The following SLC7A6 variants were observed in gnomAD, a reference collection of about 807,000 sequenced individuals.
The protein encoded by SLC7A6 is Y+L amino acid transporter 2.
Under a neutral mutation model 46.6 loss-of-function variants are expected in SLC7A6, and 29 were observed. That is an observed-to-expected ratio of 0.62 (90% CI 0.46 to 0.85). SLC7A6 has a LOEUF of 0.85. SLC7A6 is among the 40% of genes least tolerant of loss of function. SLC7A6 has a pLI of 0.00. For missense variants in SLC7A6, 527 were observed against 647.6 expected (o/e 0.81, Z 2.02); for synonymous variants, 276 against 257.3 (o/e 1.07, Z -0.70).
rs111282396 is a variant in SLC7A6 at position 68,275,281 on chromosome 16, G to C, written c.523+32G>C. ...GGGGGCTGAGATTGGGAGGATGTTG[G>C]GGGGTGGGGGGTACTATAATAACGG... On this transcript the variant is annotated intron_variant, in intron 3 of 10. Coordinates refer to ENST00000219343, the MANE Select transcript of SLC7A6 (RefSeq NM_003983.6). The C allele has an allele frequency of 3.0e-3, 4,670 of 1,577,044 alleles. 15 individuals carry two copies. Among genetic ancestry groups the C allele is most frequent in the Non-Finnish European group, 3.5e-3 (4,005 of 1,153,166 alleles).
chr16:68,277,554 G>A (rs542007829), intron 3 of SLC7A6, among the ~76,000 whole-genome samples: 68 of 151,878 alleles, frequency 4.5e-4, no homozygotes, highest in East Asian at 4.5e-3. Context: ...CTCGTGATCC[G>A]CCCGCCTCGG....
Position 68,266,705 on chromosome 16 carries a change from C to G in SLC7A6, c.-53C>G, listed in dbSNP as rs1261667042. The G allele has an allele frequency of 6.6e-6, 1 of 151,904 alleles. No homozygotes were observed. The highest frequency in any genetic ancestry group is 2.4e-5 in the African/African-American group (1 of 41,346). The allele number at this position is 151,904 out of a possible 1,614,324, so 9.4% of individuals were successfully genotyped here. A position where few individuals can be genotyped will look rare whatever the true frequency, so the allele number is the denominator to read the frequency against. On this transcript the variant is annotated 5_prime_UTR_variant, in exon 2 of 11. Transcript: ENST00000219343. ...AGGTGGCTTATGAAAGTGTGATGTT[C>G]GCGTATTTCTTGACAGGTGAATATT...
Position 68,300,127 on chromosome 16 carries a change from G to A in SLC7A6, c.*2799G>A, listed in dbSNP as rs930249689. On this transcript the variant is annotated 3_prime_UTR_variant, in exon 11 of 11. Transcript: ENST00000219343. The stretch of plus-strand genomic sequence containing the variant: ...TCTGTGTTGTTTCCTTAGACCTGTG[G>A]TGTCCGCTGCAACAGCTACTAGCCA... The A allele has an allele frequency of 1.3e-5, 2 of 152,190 alleles. No homozygotes were observed. The highest frequency in any genetic ancestry group is 4.8e-5 in the African/African-American group (2 of 41,436). 9.4% of individuals were successfully genotyped at this position (152,190 alleles called of 1,614,324 possible). A position where few individuals can be genotyped will look rare whatever the true frequency, so the allele number is the denominator to read the frequency against.
chr16:68,301,581 T>G lies in SLC7A6; in HGVS notation c.*4253T>G, dbSNP rs571102274. On this transcript the variant is annotated 3_prime_UTR_variant, in exon 11 of 11. Transcript: ENST00000219343. ...TTTTAAAGAAGGAATCACTTTCCTA[T>G]CATCTAAACCAAGTTCCTTCACACT... 2.0e-6 allele frequency: 1 copy of G among 507,914 alleles called. No homozygotes were observed. Among genetic ancestry groups the G allele is most frequent in the Admixed American group, 3.8e-5 (1 of 26,556 alleles). 31.5% of individuals were successfully genotyped at this position (507,914 alleles called of 1,614,324 possible).
intron 5 of SLC7A6, 87 bp from the exon 6 acceptor site, chr16:68,291,122 G>A (rs138763580): frequency 6.4e-7 from 1 of 1,567,976 alleles, no homozygotes; most frequent in African/African-American, 1.4e-5. Context: ...ACTGTTAAAT[G>A]TTAGGAAAAT....
chr16:68,276,161 T>C (rs904861072), intron 3 of SLC7A6, among the ~76,000 whole-genome samples: 6 of 152,200 alleles, frequency 3.9e-5, no homozygotes, highest in African/African-American at 1.4e-4. Flanking sequence ...CAGACTTCTT[T>C]ACACTGACTT....
chr16:68,279,170 T>TAAAA (rs66832488), intron 3 of SLC7A6, among the ~76,000 whole-genome samples: 1 of 144,956 alleles, frequency 6.9e-6, no homozygotes, highest in Non-Finnish European at 1.5e-5. Context: ...ACCCCACCTC[T>TAAAA]AAAAAAAAAA....
chr16:68,270,789 G>A (rs1002007831), intron 2 of SLC7A6, among the ~76,000 whole-genome samples: 1 of 151,696 alleles, frequency 6.6e-6, no homozygotes, highest in Non-Finnish European at 1.5e-5. Context: ...ATTGTTGTTT[G>A]TCACTGGAGT....
Position 68,274,939 on chromosome 16 carries a change from G to C in SLC7A6, c.213G>C (p.Leu71=), listed in dbSNP as rs373056756. ...TCTTTGTCTCACCCAAGGGTGTGCTGGTACACACTGCCTCCTATGGGATGT... is the reference window on the plus strand; with the variant it reads ...TCTTTGTCTCACCCAAGGGTGTGCTCGTACACACTGCCTCCTATGGGATGT... The part of the protein sequence containing the change: ...SGIFVSPKGV[L]VHTASYGMSL... The change falls in exon 3 of 11, where the codon CTG becomes CTC. Residue 71 remains leucine (L), a synonymous_variant. Coordinates refer to ENST00000219343, the MANE Select transcript of SLC7A6 (RefSeq NM_003983.6). 1.1e-5 allele frequency: 18 copies of C among 1,614,082 alleles called. No individual in the cohort carries two copies. The highest frequency in any genetic ancestry group is 4.0e-5 in the African/African-American group (3 of 74,926).
intron 8 of SLC7A6, 97 bp from the exon 9 acceptor site, chr16:68,296,267 A>G: frequency 1.5e-6 from 2 of 1,340,506 alleles, no homozygotes; most frequent in South Asian, 2.5e-5. Context: ...AATCTGGTGA[A>G]GTGGCATCAG....
intron 7 of SLC7A6, among the ~76,000 whole-genome samples, chr16:68,293,267 A>G (rs765815756): frequency 9.9e-5 from 15 of 152,130 alleles, no homozygotes; most frequent in Non-Finnish European, 4.4e-5. Flanking sequence ...AATACAAAAA[A>G]AGAAAAATTA....
chr16:68,269,304 CTTTT>C (rs893606684), intron 2 of SLC7A6, among the ~76,000 whole-genome samples: 1 of 152,180 alleles, frequency 6.6e-6, no homozygotes, highest in East Asian at 1.9e-4. Flanking sequence ...GTTTTTCTTG[CTTTT>C]TTTATGTTGC....
intron 2 of SLC7A6, among the ~76,000 whole-genome samples, chr16:68,268,944 T>G (rs976950454): frequency 1.3e-5 from 2 of 151,976 alleles, no homozygotes; most frequent in Non-Finnish European, 2.9e-5. Context: ...GAGGCGGAGG[T>G]TGCAGTGAGC....
At position 68,288,741 on chromosome 16, in the gene SLC7A6, G is replaced by A. The variant is rs565987269; in HGVS notation, c.649+870G>A. Among the ~76,000 whole-genome samples the A allele has an allele frequency of 2.1e-4, 32 of 151,976 alleles. 1 individual carries two copies. The South Asian group carries it at 6.2e-3, about 30-fold the overall frequency. The stretch of plus-strand genomic sequence containing the variant: ...AACACTTTGGGAGGCTGAGGTGGGC[G>A]AATCAGCAGGTCAGGAATTCGAGAC... On this transcript the variant is annotated intron_variant, in intron 4 of 10. Transcript: ENST00000219343.
intron 2 of SLC7A6, 46 bp from the exon 3 acceptor site, chr16:68,274,645 C>T (rs2042677230): frequency 1.3e-6 from 2 of 1,524,104 alleles, no homozygotes; most frequent in Admixed American, 3.7e-5. Flanking sequence ...TAAATAGAGC[C>T]TCACCAGCTC....
chr16:68,299,613 C>A lies in SLC7A6; in HGVS notation c.*2285C>A, dbSNP rs1208464830. On this transcript the variant is annotated 3_prime_UTR_variant, in exon 11 of 11. Transcript: ENST00000219343. ...AGTACAGTTTATTAAGTTGTCAGCC[C>A]TTTAATATTGGGGAAACTTAATGAG... The A allele has an allele frequency of 6.6e-6, 1 of 152,162 alleles. No individual in the cohort carries two copies. Among genetic ancestry groups the A allele is most frequent in the African/African-American group, 2.4e-5 (1 of 41,428 alleles). 9.4% of individuals were successfully genotyped at this position (152,162 alleles called of 1,614,324 possible).
intron 7 of SLC7A6, 101 bp downstream of exon 7, chr16:68,291,762 G>GGGGTGTGT (rs370678371): frequency 2.2e-4 from 118 of 548,104 alleles, no homozygotes; most frequent in Non-Finnish European, 2.7e-4. Context: ...GGGCATATAG[G>GGGGTGTGT]GTGTGTGTGT....
intron 7 of SLC7A6, 33 bp from the exon 8 acceptor site, chr16:68,294,672 A>C: frequency 6.8e-7 from 1 of 1,463,998 alleles, no homozygotes; most frequent in Non-Finnish European, 9.6e-7. Flanking sequence ...AAAGGAGTAA[A>C]GGATCCTGCT....
At chr16:68,295,111 A>G (rs2043136560) in intron 8 of SLC7A6, among the ~76,000 whole-genome samples, 1 of 152,162 alleles carries the variant, frequency 6.6e-6, no homozygotes, top group African/African-American at 2.4e-5. Flanking sequence ...AACTTTTATC[A>G]CAGAAAATTA....
Sources: allele counts gnomAD v4.1 joint callset (sites outside exome capture counted in the v4.1 genomes callset), GRCh38; gene constraint gnomAD v4.1.1; transcripts MANE v1.5; gene names NCBI Gene and HGNC (gene_info 2026-07-23, HGNC 2026-07-21).